Variants in AKAP1 observed in about 807,000 individuals in gnomAD.
AKAP1 encodes the protein A-kinase anchoring protein 1, also known as A-kinase anchor protein 1, mitochondrial.
AKAP1 carries 32 observed loss-of-function variants against 79.8 expected under a neutral mutation model. The observed-to-expected ratio is 0.40, with a 90% CI of 0.30 to 0.54. The LOEUF is 0.54. Among genes scored for constraint, AKAP1 ranks in the 20% least tolerant of loss-of-function variants. The probability of loss-of-function intolerance (pLI) is 0.47; values close to 1 mark genes in which losing one functional copy is unlikely to be tolerated. For synonymous variants in AKAP1, 416 were observed against 466.7 expected, an observed-to-expected ratio of 0.89 and a Z score of 1.40; for missense variants, 961 against 1,138.9, an observed-to-expected ratio of 0.84 and a Z score of 2.25.
intron 1 of AKAP1, chr17:57,094,716 T>C (rs1913991287): frequency 6.6e-6 from 1 of 150,918 alleles, no homozygotes; most frequent in Non-Finnish European, 1.5e-5. Context: ...GCTCAAGTGA[T>C]CCTCCCACCT....
At chr17:57,108,792 G>A (rs1232706285) in intron 2 of AKAP1, among the ~76,000 whole-genome samples, 1 of 152,200 alleles carries the variant, frequency 6.6e-6, no homozygotes, top group East Asian at 1.9e-4. Flanking sequence ...GCTAGAGTCC[G>A]GGTGTGGTTC....
At chr17:57,116,801 C>A in intron 7 of AKAP1, 59 bp from the exon 8 acceptor site, 1 of 1,484,812 alleles carries the variant, frequency 6.7e-7, no homozygotes, top group Non-Finnish European at 9.4e-7. Flanking sequence ...TGAATACTGG[C>A]TTGGAGTGGA....
chr17:57,086,636 C>G lies in AKAP1; in HGVS notation c.-25+1238C>G, dbSNP rs1215571488. ...TCCCCTACTGTAGTGCGCGTTACTT[C>G]GTGTTTAGATTTGTCTCCAGTGAAA... On this transcript the variant is annotated intron_variant, in intron 1 of 10. Coordinates refer to ENST00000337714, the MANE Select transcript of AKAP1 (RefSeq NM_003488.4). The surrounding 1 kb of genome is among the most constrained non-coding windows in gnomAD (Gnocchi z 5.1). The G allele has an allele frequency of 6.1e-6, 2 of 327,308 alleles. No homozygotes were observed. Among genetic ancestry groups the G allele is most frequent in the Non-Finnish European group, 1.2e-5 (2 of 165,428 alleles). 20.3% of individuals were successfully genotyped at this position (327,308 alleles called of 1,614,324 possible).
intron 1 of AKAP1, among the ~76,000 whole-genome samples, chr17:57,104,502 C>T (rs1471898148): frequency 6.6e-6 from 1 of 152,228 alleles, no homozygotes; most frequent in Non-Finnish European, 1.5e-5. Context: ...AAAATAAATA[C>T]ATCTAATGCA....
chr17:57,108,020 C>A, intron 2 of AKAP1: 1 of 1,279,378 alleles, frequency 7.8e-7, no homozygotes, highest in Non-Finnish European at 1.0e-6. Context: ...CTGACCCCAG[C>A]GTAGACAGTT....
chr17:57,117,865 C>CCG (rs901298042), intron 8 of AKAP1, among the ~76,000 whole-genome samples: 2 of 152,154 alleles, frequency 1.3e-5, no homozygotes, highest in African/African-American at 4.8e-5. Flanking sequence ...CTGAATGCTG[C>CCG]CGCAGCGCCT....
At chr17:57,096,175 T>C (rs1914100784) in intron 1 of AKAP1, 1 of 152,272 alleles carries the variant, frequency 6.6e-6, no homozygotes, top group Non-Finnish European at 1.5e-5. Context: ...TTGGTTTAAC[T>C]TTTAGTTGGG....
rs1597974360 is a variant in AKAP1 at position 57,104,296 on chromosome 17, T to C, written c.-24-1145T>C. On this transcript the variant is annotated intron_variant, in intron 1 of 10. Coordinates refer to ENST00000337714, the MANE Select transcript of AKAP1 (RefSeq NM_003488.4). ...TTCACTTTTCATCCTGTTCCCAGAATTGCCTTCTAGAAACAATTTGATGTG... is the reference window on the plus strand; with the variant it reads ...TTCACTTTTCATCCTGTTCCCAGAACTGCCTTCTAGAAACAATTTGATGTG... Among the ~76,000 whole-genome samples, 4 of 152,174 alleles carry C rather than the reference T, an allele frequency of 2.6e-5. No individual in the cohort carries two copies. In the South Asian group the frequency reaches 6.2e-4, roughly 24 times the overall value.
chr17:57,093,613 G>A (rs1049234002), intron 1 of AKAP1: 1 of 152,084 alleles, frequency 6.6e-6, no homozygotes, highest in African/African-American at 2.4e-5. Flanking sequence ...AATTTAGGAT[G>A]GTTAATAAGA....
Position 57,107,055 on chromosome 17 carries a change from G to A in AKAP1, c.1591G>A (p.Ala531Thr), listed in dbSNP as rs1914933039. 1 of 1,614,128 alleles carries A rather than the reference G, an allele frequency of 6.2e-7. No individual in the cohort carries two copies. Among genetic ancestry groups the A allele is most frequent in the Non-Finnish European group, 8.5e-7 (1 of 1,180,016 alleles). Reference protein sequence around the residue: ...TETSSSPRDKAITPPLPESTV... With the variant: ...TETSSSPRDKTITPPLPESTV... ...GACCAGCTCGAGCCCCAGGGACAAG[G>A]CCATCACCCCGCCACTGCCAGAAAG... The change falls in exon 2 of 11, where the codon GCC (alanine) becomes ACC (threonine). Residue 531 changes from alanine (A) to threonine (T), a missense_variant. By Grantham distance (58) the Ala-to-Thr change is moderately conservative. Around this residue, in one of 3 missense-constraint regions of AKAP1, gnomAD observed 629 missense variants for 781.1 expected, o/e 0.81. Transcript: ENST00000337714.
chr17:57,107,313 C>T (rs1179960299), intron 2 of AKAP1, 135 bp downstream of exon 2: 28 of 1,279,954 alleles, frequency 2.2e-5, no homozygotes, highest in Non-Finnish European at 3.0e-5. Context: ...TCGCAACCTG[C>T]AGAGGTCTGG....
intron 4 of AKAP1, among the ~76,000 whole-genome samples, chr17:57,112,163 GCCT>G (rs1915287779): frequency 6.6e-6 from 1 of 152,016 alleles, no homozygotes; most frequent in Non-Finnish European, 1.5e-5. Context: ...GTTGGGCGGG[GCCT>G]GGGTCCTGGG....
rs1914944854 is a variant in AKAP1, at chr17:57,107,162, A to G, written c.1698A>G (p.Glu566=). The G allele has an allele frequency of 1.2e-6, 2 of 1,606,772 alleles. No homozygotes were observed. The highest frequency in any genetic ancestry group is 2.7e-5 in the African/African-American group (2 of 74,750). ...GAEDGWTMDA[E]ADHSGGSDRN... The stretch of plus-strand genomic sequence containing the variant: ...AGGATGGATGGACCATGGATGCGGA[A>G]GCAGATCATTCAGGAGGTAGGAGGG... Residue 566 remains glutamate, a synonymous_variant, in exon 2 of 11, where the codon GAA becomes GAG. Coordinates refer to ENST00000337714, the MANE Select transcript of AKAP1 (RefSeq NM_003488.4).
chr17:57,120,418 C>T lies in AKAP1; in HGVS notation c.*94C>T, dbSNP rs1915858720. 1 of 1,138,198 alleles carries T rather than the reference C, an allele frequency of 8.8e-7. No homozygotes were observed. The highest frequency in any genetic ancestry group is 1.4e-5 in the South Asian group (1 of 70,132). 70.5% of individuals were successfully genotyped at this position (1,138,198 alleles called of 1,614,324 possible). A position where few individuals can be genotyped will look rare whatever the true frequency, so the allele number is the denominator to read the frequency against. On this transcript the variant is annotated 3_prime_UTR_variant, in exon 11 of 11. Coordinates refer to ENST00000337714, the MANE Select transcript of AKAP1 (RefSeq NM_003488.4). Reference sequence around the variant, plus strand: ...TGAACATCGGAATAACAAACATTGTCCTCTCCAGAAAGTCCTTTCTTTCTC... The same window carrying T: ...TGAACATCGGAATAACAAACATTGTTCTCTCCAGAAAGTCCTTTCTTTCTC...
Position 57,116,150 on chromosome 17 carries a change from G to A in AKAP1, c.2321G>A (p.Trp774Ter). 1 of 1,614,022 alleles carries A rather than the reference G, an allele frequency of 6.2e-7. No homozygotes were observed. Among genetic ancestry groups the A allele is most frequent in the Admixed American group, 1.7e-5 (1 of 60,032 alleles). Reference protein sequence around the residue: ...ICAAPGADGAWWRAQVVASYE... With the variant: ...ICAAPGADGA ...GCCGCCCCTGGTGCGGACGGGGCCT[G>A]GTGGCGAGCCCAAGTGGTTGCCTCC... Residue 774 changes from tryptophan (W) to a stop codon, truncating the protein, a stop_gained, in exon 7 of 11, where the codon TGG becomes TAG. Coordinates refer to ENST00000337714, the MANE Select transcript of AKAP1 (RefSeq NM_003488.4). LOFTEE classifies it high-confidence loss of function.
chr17:57,110,253 G>T, intron 3 of AKAP1, 95 bp downstream of exon 3: 1 of 1,517,642 alleles, frequency 6.6e-7, no homozygotes, highest in Non-Finnish European at 8.8e-7. Context: ...GGCTGGGAGA[G>T]GGACAGTAAA....
chr17:57,116,530 G>A (rs779128393), intron 7 of AKAP1, among the ~76,000 whole-genome samples: 7 of 152,296 alleles, frequency 4.6e-5, no homozygotes, highest in South Asian at 2.1e-4. Flanking sequence ...AAATCCCAGC[G>A]CTTTGGGAGG....
In AKAP1 at chr17:57,106,452, A is replaced by AGG. The variant is rs1555621139; in HGVS notation, c.989_990insGG (p.Ser330ArgfsTer23). 14 of 1,442,162 alleles carry AGG rather than the reference A, an allele frequency of 9.7e-6. No homozygotes were observed. The highest frequency in any genetic ancestry group is 1.4e-5 in the Non-Finnish European group (14 of 1,032,730). The allele number at this position is 1,442,162 out of a possible 1,614,324, so 89.3% of individuals were successfully genotyped here. A position where few individuals can be genotyped will look rare whatever the true frequency, so the allele number is the denominator to read the frequency against. ...GGAGGGCTTGGATAGAAATGAGGAG[A>AGG]GCTTGGATAGAAATGAGGAGGGCTT... On this transcript the variant is annotated frameshift_variant, in exon 2 of 11. Transcript: ENST00000337714. LOFTEE classifies it high-confidence loss of function.
intron 1 of AKAP1, among the ~76,000 whole-genome samples, chr17:57,090,193 G>A (rs1411535857): frequency 6.6e-6 from 1 of 152,114 alleles, no homozygotes; most frequent in Non-Finnish European, 1.5e-5. Flanking sequence ...TTCTAGTCCT[G>A]GGTGTGCTTT....
Sources: gnomAD v4.1 joint callset for allele counts (sites outside exome capture counted in the v4.1 genomes callset) on GRCh38, gnomAD v4.1.1 for gene constraint, gnomAD v4.1.1 regional missense constraint, Gnocchi (gnomAD v3.1) non-coding constraint, MANE v1.5 for transcripts, NCBI Gene and HGNC (gene_info 2026-07-23, HGNC 2026-07-21) for gene names.